Variants in PTBP2 observed in about 807,000 individuals in gnomAD.
The protein encoded by PTBP2 is polypyrimidine tract binding protein 2, also known as polypyrimidine tract-binding protein 2.
In PTBP2, 13 loss-of-function variants were observed where a neutral mutation model predicts 61.4. The observed-to-expected ratio is 0.21, with a 90% CI of 0.14 to 0.34. PTBP2 has a LOEUF of 0.34. Among genes scored for constraint, PTBP2 ranks in the 10% least tolerant of loss-of-function variants. PTBP2 has a pLI of 1.00. For missense variants in PTBP2, 405 were observed against 642.6 expected (o/e 0.63, Z 4.00); for synonymous variants, 215 against 218.5 (o/e 0.98, Z 0.14).
Position 96,776,224 on chromosome 1 carries a change from TGAA to T in PTBP2, c.433-1355_433-1353del, listed in dbSNP as rs756463556. Among the ~76,000 whole-genome samples the T allele has an allele frequency of 9.1e-4, 139 of 152,158 alleles. 1 individual carries two copies. Among genetic ancestry groups the T allele is most frequent in the Middle Eastern group, 3.4e-3 (1 of 294 alleles). ...AATACAGTAAGAACATGTTCACTAA[TGAA>T]GAAGATAATATTGCAATGAGCTACT... On this transcript the variant is annotated intron_variant, in intron 5 of 13. Transcript: ENST00000674951.
Position 96,733,021 on chromosome 1 carries a change from CT to C in PTBP2, c.39+9442del, listed in dbSNP as rs35353502. Reference sequence around the variant, plus strand: ...GCTCATTACTCTGCTTTCTTTCTTTCTTTTTTTTTTTTTTTGCTATAGCAAA... The same window carrying C: ...GCTCATTACTCTGCTTTCTTTCTTTCTTTTTTTTTTTTTTGCTATAGCAAA... On this transcript the variant is annotated intron_variant, in intron 2 of 13. Transcript: ENST00000674951. 4.1e-3 allele frequency among the ~76,000 whole-genome samples: 577 copies of C among 139,318 alleles called. 1 individual carries two copies. The highest frequency in any genetic ancestry group is 7.4e-3 in the Middle Eastern group (2 of 270). 91.4% of individuals were successfully genotyped at this position (139,318 alleles called of 152,430 possible). A position where few individuals can be genotyped will look rare whatever the true frequency, so the allele number is the denominator to read the frequency against.
chr1:96,756,917 G>GT (rs1217395755), intron 3 of PTBP2, among the ~76,000 whole-genome samples: 1 of 152,128 alleles, frequency 6.6e-6, no homozygotes, highest in African/African-American at 2.4e-5. Flanking sequence ...GAACCTGGAG[G>GT]TAACTACAGA....
chr1:96,761,071 A>G (rs751943113), intron 3 of PTBP2, among the ~76,000 whole-genome samples: 12 of 152,210 alleles, frequency 7.9e-5, no homozygotes, highest in Non-Finnish European at 1.6e-4. Flanking sequence ...GTGTGATTCC[A>G]TTTCTTGAAA....
At chr1:96,725,143 T>G (rs1650219860) in intron 2 of PTBP2, among the ~76,000 whole-genome samples, 1 of 152,170 alleles carries the variant, frequency 6.6e-6, no homozygotes, top group Non-Finnish European at 1.5e-5. Flanking sequence ...CAAACAGATT[T>G]CTGTAAATTT....
At position 96,806,677 on chromosome 1, in the gene PTBP2, A is replaced by G. The variant is rs919299709; in HGVS notation, c.1079-189A>G. ...ATTCACATAGCTTTGAGGGTTTATC[A>G]AAAATTATTCTTTTCAAAATTCACT... On this transcript the variant is annotated intron_variant, in intron 10 of 13. Coordinates refer to ENST00000674951, the MANE Select transcript of PTBP2 (RefSeq NM_021190.4). 3 of 661,966 alleles carry G rather than the reference A, an allele frequency of 4.5e-6. No individual in the cohort carries two copies. In the African/African-American group the frequency reaches 5.5e-5, roughly 12 times the overall value. 41.0% of individuals were successfully genotyped at this position (661,966 alleles called of 1,614,324 possible). A position where few individuals can be genotyped will look rare whatever the true frequency, so the allele number is the denominator to read the frequency against.
chr1:96,770,668 G>A (rs1657275710), intron 4 of PTBP2, 40 bp from the exon 5 acceptor site: 1 of 1,521,726 alleles, frequency 6.6e-7, no homozygotes, highest in Non-Finnish European at 9.1e-7. Context: ...AATTTTATTT[G>A]AATTTATAGT....
At chr1:96,810,874 G>GGT (rs1205377909) in intron 11 of PTBP2, among the ~76,000 whole-genome samples, 2 of 152,152 alleles carry the variant, frequency 1.3e-5, no homozygotes, top group African/African-American at 4.8e-5. Context: ...TGGTTTTACA[G>GGT]GTGTAAGCGT....
chr1:96,738,921 G>A lies in PTBP2; in HGVS notation c.40-12504G>A, dbSNP rs538737689. Reference sequence around the variant, plus strand: ...GTATATTTTTTAGATGCTGATTACAGCATTATTTAAATAGTAGAAATAACA... The same window carrying A: ...GTATATTTTTTAGATGCTGATTACAACATTATTTAAATAGTAGAAATAACA... On this transcript the variant is annotated intron_variant, in intron 2 of 13. Coordinates refer to ENST00000674951, the MANE Select transcript of PTBP2 (RefSeq NM_021190.4). 2.6e-5 allele frequency among the ~76,000 whole-genome samples: 4 copies of A among 152,258 alleles called. No homozygotes were observed. The East Asian group carries it at 7.7e-4, about 29-fold the overall frequency.
At chr1:96,754,930 A>T (rs140438187) in intron 3 of PTBP2, among the ~76,000 whole-genome samples, 1 of 152,316 alleles carries the variant, frequency 6.6e-6, no homozygotes, top group Non-Finnish European at 1.5e-5. Flanking sequence ...AATCTTCGTG[A>T]CTTTGGATTA....
intron 5 of PTBP2, among the ~76,000 whole-genome samples, chr1:96,774,009 G>T (rs374549731): frequency 2.0e-5 from 3 of 151,118 alleles, no homozygotes; most frequent in African/African-American, 7.3e-5. Flanking sequence ...GGGCACTTTG[G>T]CTCATGCCTG....
At chr1:96,768,417 GGTT>G (rs946882706) in intron 3 of PTBP2, among the ~76,000 whole-genome samples, 1 of 151,976 alleles carries the variant, frequency 6.6e-6, no homozygotes, top group Non-Finnish European at 1.5e-5. Flanking sequence ...ATAGTTTATA[GGTT>G]GTGTTGAATG....
intron 3 of PTBP2, among the ~76,000 whole-genome samples, chr1:96,762,724 C>T (rs1204884351): frequency 6.6e-6 from 1 of 151,692 alleles, no homozygotes; most frequent in Non-Finnish European, 1.5e-5. Flanking sequence ...GGGGGCTGAC[C>T]CCCACCTCCC....
At chr1:96,760,173 T>TA (rs372077129) in intron 3 of PTBP2, among the ~76,000 whole-genome samples, 7,120 of 147,622 alleles carry the variant, frequency 0.048, 487 homozygotes, top group African/African-American at 0.15. Context: ...AAAGGACTTG[T>TA]AAAAAAAAAA....
At chr1:96,779,618 C>T (rs754079053) in intron 7 of PTBP2, among the ~76,000 whole-genome samples, 1 of 152,018 alleles carries the variant, frequency 6.6e-6, no homozygotes, top group Non-Finnish European at 1.5e-5. Flanking sequence ...GGTATGCACT[C>T]AGGTCTTCTT....
intron 3 of PTBP2, among the ~76,000 whole-genome samples, chr1:96,761,700 A>G (rs1254819239): frequency 6.6e-6 from 1 of 152,166 alleles, no homozygotes; most frequent in Non-Finnish European, 1.5e-5. Context: ...TTGGTGGGAA[A>G]AAAGAATAAT....
At chr1:96,770,661 T>C in intron 4 of PTBP2, 47 bp from the exon 5 acceptor site, 2 of 1,475,182 alleles carry the variant, frequency 1.4e-6, no homozygotes, top group Non-Finnish European at 1.9e-6. Context: ...AGATATTAAT[T>C]TTATTTGAAT....
intron 2 of PTBP2, among the ~76,000 whole-genome samples, chr1:96,733,021 CTTTT>C (rs35353502): frequency 2.2e-5 from 3 of 139,460 alleles, no homozygotes; most frequent in Non-Finnish European, 1.5e-5. Flanking sequence ...TTCTTTCTTT[CTTTT>C]TTTTTTTTTT....
rs984731604 is a variant in PTBP2 at position 96,751,466 on chromosome 1, T to C, written c.81T>C (p.Ser27=). 2.5e-6 allele frequency: 4 copies of C among 1,613,068 alleles called. No homozygotes were observed. The highest frequency in any genetic ancestry group is 2.5e-6 in the Non-Finnish European group (3 of 1,179,222). The change falls in exon 3 of 14, where the codon AGT becomes AGC. Residue 27 remains serine (S), a synonymous_variant. Transcript: ENST00000674951. Reference sequence around the variant, plus strand: ...TACTCTCAGGCAGTGTTCTCAGTAGTCCGAACTCTAATATGAGCAGCATGG... The same window carrying C: ...TACTCTCAGGCAGTGTTCTCAGTAGCCCGAACTCTAATATGAGCAGCATGG... ...DELLSGSVLS[S]PNSNMSSMVV... is the part of the protein sequence containing the mutation.
rs148709569 is a variant in PTBP2, at chr1:96,790,957, C to T, written c.904+5703C>T. On this transcript the variant is annotated intron_variant, in intron 8 of 13. Coordinates refer to ENST00000674951, the MANE Select transcript of PTBP2 (RefSeq NM_021190.4). ...CATAAAACAAAGACCAGGATACATT[C>T]GTATTTTATCGGTAAATACCAATAG... Among the ~76,000 whole-genome samples, 183 of 151,906 alleles carry T rather than the reference C, an allele frequency of 1.2e-3. No homozygotes were observed. The Middle Eastern group carries it at 0.014, about 11-fold the overall frequency.
Sources: gnomAD v4.1 joint callset for allele counts (sites outside exome capture counted in the v4.1 genomes callset) on GRCh38, gnomAD v4.1.1 for gene constraint, MANE v1.5 for transcripts, NCBI Gene and HGNC (gene_info 2026-07-23, HGNC 2026-07-21) for gene names.